Variants in PNPT1 observed in about 807,000 individuals in gnomAD.
PNPT1 encodes polyribonucleotide nucleotidyltransferase 1, mitochondrial.
A neutral mutation model predicts 119.5 loss-of-function variants in PNPT1; 53 were observed. The ratio of observed to expected loss-of-function variants is 0.44; its 90% confidence interval spans 0.36 to 0.56. The LOEUF is 0.56. Ranked by LOEUF, PNPT1 falls within the 20% of genes least tolerant of loss-of-function variation. The pLI is 0.00. For missense variants in PNPT1, 948 were observed against 938.5 expected (o/e 1.01, Z -0.13); for synonymous variants, 357 against 322.1 (o/e 1.11, Z -1.16).
chr2:55,645,238 A>G, intron 22 of PNPT1, 111 bp downstream of exon 22: 1 of 635,894 alleles, frequency 1.6e-6, no homozygotes, highest in Non-Finnish European at 2.7e-6. Flanking sequence ...GTTAGCCAGG[A>G]TGGTCTCGAT....
At chr2:55,649,357 ATTC>A (rs1321554648) in intron 18 of PNPT1, among the ~76,000 whole-genome samples, 1 of 152,202 alleles carries the variant, frequency 6.6e-6, no homozygotes, top group Non-Finnish European at 1.5e-5. Context: ...TTCCTCCTGC[ATTC>A]TTTGGTTGAA....
At chr2:55,684,408 G>A (rs922573389) in intron 4 of PNPT1, among the ~76,000 whole-genome samples, 3 of 152,158 alleles carry the variant, frequency 2.0e-5, no homozygotes, top group Non-Finnish European at 4.4e-5. Flanking sequence ...AGGTTGCAGT[G>A]AGCCGAGATC....
At chr2:55,673,998 C>G (rs149498753) in intron 8 of PNPT1, among the ~76,000 whole-genome samples, 6 of 151,938 alleles carry the variant, frequency 3.9e-5, no homozygotes, top group Non-Finnish European at 8.8e-5. Context: ...GCTGGGATTA[C>G]AGGCGTGAGC....
chr2:55,637,258 T>TA (rs1436725689), intron 27 of PNPT1, among the ~76,000 whole-genome samples: 1 of 152,252 alleles, frequency 6.6e-6, no homozygotes, highest in East Asian at 1.9e-4. Context: ...TCACAGTTCT[T>TA]ACGTCAGTGC....
At chr2:55,673,374 T>A (rs1376470208) in intron 8 of PNPT1, among the ~76,000 whole-genome samples, 1 of 151,374 alleles carries the variant, frequency 6.6e-6, no homozygotes, top group Non-Finnish European at 1.5e-5. Context: ...ATTTTAAAAA[T>A]AAGTTTTATT....
At chr2:55,688,065 A>G (rs1398457604) in intron 1 of PNPT1, among the ~76,000 whole-genome samples, 1 of 146,524 alleles carries the variant, frequency 6.8e-6, no homozygotes, top group Non-Finnish European at 1.5e-5. Context: ...TTTTTTTGAG[A>G]CAGGGTCTTG....
rs1695635917 is a variant in PNPT1, at chr2:55,635,356, C to T, written c.*881G>A. ...TGAGACGGAGTTTTGCTCTTGTTGC[C>T]TGAGCTGGAGTGCAATGGCGCAATC... On this transcript the variant is annotated 3_prime_UTR_variant, in exon 28 of 28. Coordinates refer to ENST00000447944, the MANE Select transcript of PNPT1 (RefSeq NM_033109.5). 1.3e-5 allele frequency: 2 copies of T among 149,442 alleles called. No individual in the cohort carries two copies. The highest frequency in any genetic ancestry group is 4.2e-4 in the South Asian group (2 of 4,776). 9.3% of individuals were successfully genotyped at this position (149,442 alleles called of 1,614,324 possible). A position where few individuals can be genotyped will look rare whatever the true frequency, so the allele number is the denominator to read the frequency against.
Position 55,693,841 on chromosome 2 carries a change from C to A in PNPT1, c.-18G>T. 1.9e-6 allele frequency: 3 copies of A among 1,611,944 alleles called. No individual in the cohort carries two copies. The highest frequency in any genetic ancestry group is 2.2e-5 in the South Asian group (2 of 90,960). ...GCCGCCATGACACCCGGCACGCGGT[C>A]AACGCAGGCTGTGCCCTGATTGGCT... On this transcript the variant is annotated 5_prime_UTR_variant, in exon 1 of 28. Coordinates refer to ENST00000447944, the MANE Select transcript of PNPT1 (RefSeq NM_033109.5).
intron 7 of PNPT1, 32 bp downstream of exon 7, chr2:55,680,680 A>C: frequency 1.9e-6 from 3 of 1,586,746 alleles, no homozygotes; most frequent in Middle Eastern, 1.8e-4. Context: ...AAAAATACAC[A>C]TATGATTTCT....
chr2:55,666,667 T>C (rs1024252864), intron 13 of PNPT1, among the ~76,000 whole-genome samples: 3 of 152,042 alleles, frequency 2.0e-5, no homozygotes, highest in East Asian at 1.9e-4. Context: ...TAGTAAGACC[T>C]TGTCTCTACA....
intron 15 of PNPT1, among the ~76,000 whole-genome samples, chr2:55,659,370 A>G (rs545316184): frequency 4.6e-5 from 7 of 152,352 alleles, no homozygotes; most frequent in South Asian, 2.1e-4. Flanking sequence ...ATCATCTCAT[A>G]TAAAGTAACT....
At chr2:55,668,623 G>C (rs1696811073) in intron 11 of PNPT1, among the ~76,000 whole-genome samples, 2 of 151,196 alleles carry the variant, frequency 1.3e-5, no homozygotes, top group Non-Finnish European at 2.9e-5. Flanking sequence ...TTTTGAGACG[G>C]AGTTTTGCTC....
Position 55,656,131 on chromosome 2 carries a change from C to G in PNPT1, c.1441G>C (p.Gly481Arg). Reference protein sequence around the residue: ...RVTSEVLESNGSSSMASACGG... With the variant: ...RVTSEVLESNRSSSMASACGG... ...TGAAAGAAGTATTTCAATACCATAC[C>G]ATTTGACTCTAGGACTTCAGATGTA... The change falls in exon 17 of 28, where the codon GGG (glycine) becomes CGG (arginine). Residue 481 changes from glycine (G) to arginine (R), a missense_variant and splice_region_variant. Physicochemically the swap from Gly to Arg is moderately radical, Grantham distance 125. Transcript: ENST00000447944. 1 of 1,611,280 alleles carries G rather than the reference C, an allele frequency of 6.2e-7. No individual in the cohort carries two copies. The highest frequency in any genetic ancestry group is 8.5e-7 in the Non-Finnish European group (1 of 1,178,838).
At chr2:55,661,859 T>TA in intron 14 of PNPT1, 97 bp downstream of exon 14, 21 of 1,173,344 alleles carry the variant, frequency 1.8e-5, no homozygotes, top group Non-Finnish European at 2.3e-5. Flanking sequence ...AAACACAGGT[T>TA]AAAAAAAGTA....
In PNPT1 at chr2:55,643,738, C is replaced by CA. The variant is rs56391931; in HGVS notation, c.1907-314dup. ...TGGGTGACAGAGCAAGGCCCCATCTCAAAAAAAAAAAAAGTTAACTTGCTC... is the reference window on the plus strand; with the variant it reads ...TGGGTGACAGAGCAAGGCCCCATCTCAAAAAAAAAAAAAAGTTAACTTGCTC... On this transcript the variant is annotated intron_variant, in intron 23 of 27. Transcript: ENST00000447944. Among the ~76,000 whole-genome samples the CA allele has an allele frequency of 5.8e-4, 86 of 147,332 alleles. No individual in the cohort carries two copies. The East Asian group carries it at 0.017, about 29-fold the overall frequency.
At chr2:55,640,774 ATT>A in intron 25 of PNPT1, 69 bp from the exon 26 acceptor site, 1 of 1,064,152 alleles carries the variant, frequency 9.4e-7, no homozygotes, top group South Asian at 1.4e-5. Flanking sequence ...CAAATAAAAC[ATT>A]GTTTTCATAT....
chr2:55,685,987 A>T (rs570418785), intron 3 of PNPT1, among the ~76,000 whole-genome samples: 1 of 152,272 alleles, frequency 6.6e-6, no homozygotes, highest in African/African-American at 2.4e-5. Flanking sequence ...TTTTTCCCCC[A>T]ATATTTTCGA....
chr2:55,687,534 T>G (rs1161572172), intron 2 of PNPT1, 111 bp downstream of exon 2: 2 of 774,908 alleles, frequency 2.6e-6, no homozygotes, highest in Non-Finnish European at 4.1e-6. Context: ...AGTATCTGAA[T>G]TAATTTCCAG....
intron 14 of PNPT1, 133 bp downstream of exon 14, chr2:55,661,817 CATGATG>C: frequency 1.3e-6 from 1 of 760,366 alleles, no homozygotes; most frequent in Admixed American, 4.3e-5. Flanking sequence ...CCTTTGAAAT[CATGATG>C]ATGTAAACAG....
Sources: gnomAD v4.1 joint callset for allele counts (sites outside exome capture counted in the v4.1 genomes callset) on GRCh38, gnomAD v4.1.1 for gene constraint, MANE v1.5 for transcripts, NCBI Gene and HGNC (gene_info 2026-07-23, HGNC 2026-07-21) for gene names.